The following ADAMTS19 variants were observed in gnomAD, a reference collection of about 807,000 sequenced individuals.
ADAMTS19 encodes A disintegrin and metalloproteinase with thrombospondin motifs 19.
Under a neutral mutation model 153.3 loss-of-function variants are expected in ADAMTS19, and 93 were observed. That is an observed-to-expected ratio of 0.61 (90% CI 0.51 to 0.72). ADAMTS19 has a LOEUF of 0.72. Among genes scored for constraint, ADAMTS19 ranks in the 30% least tolerant of loss-of-function variants. The pLI is 0.00. For synonymous variants in ADAMTS19, 600 were observed against 556.6 expected (o/e 1.08, Z -1.10); for missense variants, 1,482 against 1,552.1 (o/e 0.95, Z 0.76).
At position 129,543,053 on chromosome 5, in the gene ADAMTS19, T is replaced by G. The variant is rs531443210; in HGVS notation, c.1329-8811T>G. ...TTTGTTGTTGTTGTTGTTTTGTTTT[T>G]TTTTTTTTAATTTAAGAAGGAGTTT... is the stretch of plus-strand genomic sequence containing the variant. On this transcript the variant is annotated intron_variant, in intron 6 of 22. Transcript: ENST00000274487. 2.3e-3 allele frequency among the ~76,000 whole-genome samples: 349 copies of G among 151,400 alleles called. 1 individual carries two copies. The highest frequency in any genetic ancestry group is 2.8e-3 in the Non-Finnish European group (191 of 67,792).
At chr5:129,499,715 T>C (rs1395152437) in intron 2 of ADAMTS19, among the ~76,000 whole-genome samples, 1 of 152,110 alleles carries the variant, frequency 6.6e-6, no homozygotes, top group Non-Finnish European at 1.5e-5. Flanking sequence ...CAAGAAAATA[T>C]AGATGGTTTA....
At chr5:129,594,602 C>T (rs1435840540) in intron 7 of ADAMTS19, among the ~76,000 whole-genome samples, 1 of 152,000 alleles carries the variant, frequency 6.6e-6, no homozygotes, top group Non-Finnish European at 1.5e-5. Flanking sequence ...TTCCTGCCTT[C>T]TTCCATTTGA....
chr5:129,700,941 C>T (rs1158591880), intron 19 of ADAMTS19, among the ~76,000 whole-genome samples: 1 of 151,806 alleles, frequency 6.6e-6, no homozygotes, highest in Admixed American at 6.6e-5. Flanking sequence ...TAACATTCTG[C>T]TAACTCTAGA....
intron 19 of ADAMTS19, among the ~76,000 whole-genome samples, chr5:129,697,473 A>G (rs1283812108): frequency 2.6e-5 from 4 of 152,224 alleles, no homozygotes; most frequent in African/African-American, 9.6e-5. Flanking sequence ...TTTTAAAAGA[A>G]TAGGAAAATG....
In ADAMTS19 at chr5:129,461,762, G is replaced by A; in HGVS notation, c.747+5G>A. ...AGCACCTGTGGAGGTGGCCTGGTAAGCGCCTTCTTTCCCTAGCTCTCCATT... is the reference window on the plus strand; with the variant it reads ...AGCACCTGTGGAGGTGGCCTGGTAAACGCCTTCTTTCCCTAGCTCTCCATT... On this transcript the variant is annotated splice_donor_5th_base_variant and intron_variant, in intron 2 of 22. Transcript: ENST00000274487. This position sits in a 1 kb window ranked among gnomAD's most constrained non-coding sequence, Gnocchi z 4.6. 1 of 1,483,516 alleles carries A rather than the reference G, an allele frequency of 6.7e-7. No homozygotes were observed. The allele number at this position is 1,483,516 out of a possible 1,614,324, so 91.9% of individuals were successfully genotyped here.
chr5:129,690,251 G>A (rs909989584), intron 18 of ADAMTS19, among the ~76,000 whole-genome samples: 1 of 152,210 alleles, frequency 6.6e-6, no homozygotes, highest in African/African-American at 2.4e-5. Flanking sequence ...GCCTTCCAAG[G>A]ATATACCTCG....
At chr5:129,622,732 A>G (rs72790701) in intron 10 of ADAMTS19, among the ~76,000 whole-genome samples, 9,215 of 152,198 alleles carry the variant, frequency 0.061, 442 homozygotes, top group African/African-American at 0.14. Flanking sequence ...CCCAGCTGCT[A>G]AAGTCCCTTA....
intron 10 of ADAMTS19, among the ~76,000 whole-genome samples, chr5:129,638,225 A>AT (rs1189464042): frequency 3.3e-5 from 5 of 152,010 alleles, no homozygotes; most frequent in African/African-American, 4.8e-5. Flanking sequence ...GGACAGGTGT[A>AT]TTTTTGTGGG....
At chr5:129,519,673 C>T (rs1335910829) in intron 3 of ADAMTS19, among the ~76,000 whole-genome samples, 4 of 151,162 alleles carry the variant, frequency 2.6e-5, no homozygotes, top group Non-Finnish European at 5.9e-5. Flanking sequence ...AGACAGGAAG[C>T]GGAAAGATTT....
chr5:129,557,011 G>A (rs1290174169), intron 7 of ADAMTS19, among the ~76,000 whole-genome samples: 1 of 152,100 alleles, frequency 6.6e-6, no homozygotes, highest in African/African-American at 2.4e-5. Context: ...CTAAGTTAAT[G>A]TTGCCTCCAT....
chr5:129,711,021 A>G (rs1756430805), intron 21 of ADAMTS19, among the ~76,000 whole-genome samples: 1 of 152,188 alleles, frequency 6.6e-6, no homozygotes, highest in Non-Finnish European at 1.5e-5. Context: ...CTGACCAATG[A>G]TGGCAAATAC....
chr5:129,495,436 C>G (rs1190149035), intron 2 of ADAMTS19, among the ~76,000 whole-genome samples: 1 of 152,010 alleles, frequency 6.6e-6, no homozygotes, highest in Admixed American at 6.6e-5. Flanking sequence ...AATGGTTATA[C>G]TAACGGGACC....
At chr5:129,467,304 C>T (rs771257249) in intron 2 of ADAMTS19, among the ~76,000 whole-genome samples, 2 of 151,994 alleles carry the variant, frequency 1.3e-5, no homozygotes, top group Non-Finnish European at 2.9e-5. Flanking sequence ...GTTGATATAA[C>T]CAAGATTAGT....
chr5:129,597,672 C>T (rs1468334957), intron 8 of ADAMTS19, among the ~76,000 whole-genome samples: 1 of 151,824 alleles, frequency 6.6e-6, no homozygotes, highest in Non-Finnish European at 1.5e-5. Flanking sequence ...TTTGGGAGGC[C>T]GAGGTGGGCG....
chr5:129,580,427 A>C (rs1312568969), intron 7 of ADAMTS19, among the ~76,000 whole-genome samples: 1 of 151,930 alleles, frequency 6.6e-6, no homozygotes, highest in Non-Finnish European at 1.5e-5. Context: ...CCCTTTATTT[A>C]TTTCTCTTGC....
intron 3 of ADAMTS19, among the ~76,000 whole-genome samples, chr5:129,522,183 T>C (rs1751829384): frequency 6.7e-6 from 1 of 149,258 alleles, no homozygotes; most frequent in Admixed American, 6.7e-5. Flanking sequence ...AAAGGTGATG[T>C]TGAAAAAAAA....
At chr5:129,494,209 A>G (rs1486539557) in intron 2 of ADAMTS19, among the ~76,000 whole-genome samples, 2 of 152,116 alleles carry the variant, frequency 1.3e-5, no homozygotes, top group African/African-American at 4.8e-5. Flanking sequence ...TATATTTCAA[A>G]ATACTTAATT....
rs140427380 is a variant in ADAMTS19, at chr5:129,509,349, A to C, written c.913+107A>C. 369 of 1,012,970 alleles carry C rather than the reference A, an allele frequency of 3.6e-4. No individual in the cohort carries two copies. In the African/African-American group the frequency reaches 5.1e-3, roughly 14 times the overall value. 62.7% of individuals were successfully genotyped at this position (1,012,970 alleles called of 1,614,324 possible). A position where few individuals can be genotyped will look rare whatever the true frequency, so the allele number is the denominator to read the frequency against. On this transcript the variant is annotated intron_variant, in intron 3 of 22. Coordinates refer to ENST00000274487, the MANE Select transcript of ADAMTS19 (RefSeq NM_133638.6). ...CTAGCTTTACTTATTTTTAATGTAG[A>C]ATCTTTTAATTAGTAACAATTAAAT...
At chr5:129,731,000 C>A (rs778288250) in intron 21 of ADAMTS19, among the ~76,000 whole-genome samples, 3 of 151,846 alleles carry the variant, frequency 2.0e-5, no homozygotes, top group Non-Finnish European at 4.4e-5. Context: ...ACTCTGTCAC[C>A]CAGGCTGGAG....
Sources: allele counts gnomAD v4.1 joint callset (sites outside exome capture counted in the v4.1 genomes callset), GRCh38; gene constraint gnomAD v4.1.1; non-coding constraint Gnocchi (gnomAD v3.1); transcripts MANE v1.5; gene names NCBI Gene and HGNC (gene_info 2026-07-23, HGNC 2026-07-21).